P3H2: variants seen among roughly 807,000 people sequenced by gnomAD.
P3H2 encodes the protein leprecan-like 1.
In P3H2, 80 loss-of-function variants were observed where a neutral mutation model predicts 87.0. That is an observed-to-expected ratio of 0.92 (90% CI 0.77 to 1.11). The LOEUF (loss-of-function observed/expected upper bound fraction) is 1.11. Among genes scored for constraint, P3H2 ranks in the 50% least tolerant of loss-of-function variants. The probability of loss-of-function intolerance (pLI) is 0.00; values close to 1 mark genes in which losing one functional copy is unlikely to be tolerated. For missense variants in P3H2, 1,001 were observed against 923.9 expected (o/e 1.08, Z -1.08); for synonymous variants, 367 against 359.3 (o/e 1.02, Z -0.24).
chr3:190,017,478 C>T (rs9834642), intron 1 of P3H2, among the ~76,000 whole-genome samples: 35,547 of 152,080 alleles, frequency 0.23, 4,237 homozygotes, highest in Non-Finnish European at 0.26. Context: ...CCAGTAACAG[C>T]GTGGTAAATA....
chr3:190,046,707 T>C (rs147060502), intron 1 of P3H2, among the ~76,000 whole-genome samples: 18 of 152,304 alleles, frequency 1.2e-4, no homozygotes, highest in African/African-American at 3.6e-4. Flanking sequence ...AAATTTGTAA[T>C]TGAACCACAG....
rs1403846250 is a variant in P3H2 at position 189,974,275 on chromosome 3, T to C, written c.1453-271A>G. ...TATATTGCCTAATAATTAATTAAAA[T>C]AAAAGGATTTCTCCAGCAACTTTAT... On this transcript the variant is annotated intron_variant, in intron 9 of 14. Transcript: ENST00000319332. The C allele has an allele frequency of 8.4e-6, 5 of 591,790 alleles. No individual in the cohort carries two copies. In the East Asian group the frequency reaches 1.1e-4, roughly 14 times the overall value. The allele number at this position is 591,790 out of a possible 1,614,324, so 36.7% of individuals were successfully genotyped here.
chr3:190,107,198 T>A (rs1711876695), intron 1 of P3H2, among the ~76,000 whole-genome samples: 1 of 152,196 alleles, frequency 6.6e-6, no homozygotes. Flanking sequence ...CAAAACATTT[T>A]TCGTTATTAG....
chr3:190,072,524 ATTCTAC>A (rs1726736466), intron 1 of P3H2, among the ~76,000 whole-genome samples: 1 of 152,184 alleles, frequency 6.6e-6, no homozygotes, highest in African/African-American at 2.4e-5. Flanking sequence ...TAATCCAGCA[ATTCTAC>A]TTCTAAGGAT....
chr3:190,074,599 A>G (rs1172157224), intron 1 of P3H2, among the ~76,000 whole-genome samples: 8 of 152,156 alleles, frequency 5.3e-5, no homozygotes. Context: ...ATATCACCTA[A>G]TTTATCATAA....
At chr3:189,965,352 G>A (rs888948976) in intron 13 of P3H2, among the ~76,000 whole-genome samples, 1 of 152,198 alleles carries the variant, frequency 6.6e-6, no homozygotes, top group Non-Finnish European at 1.5e-5. Context: ...GGGTGCATAT[G>A]TGTTTATGTG....
chr3:189,958,117 C>G (rs765609777), intron 14 of P3H2, 113 bp from the exon 15 acceptor site: 1 of 779,970 alleles, frequency 1.3e-6, no homozygotes, highest in Non-Finnish European at 2.3e-6. Flanking sequence ...GATGCTATAT[C>G]CAGTTAAGCA....
At position 189,970,097 on chromosome 3, in the gene P3H2, TTGTG is replaced by T. The variant is rs36166104; in HGVS notation, c.1893+715_1893+718del. On this transcript the variant is annotated intron_variant, in intron 13 of 14. Transcript: ENST00000319332. The stretch of plus-strand genomic sequence containing the variant: ...TTTGATTTACTCTTTGTTTACATAT[TTGTG>T]TGTGTGTGTGTGTGTGTGTATCAAT... 6.7e-3 allele frequency among the ~76,000 whole-genome samples: 944 copies of T among 141,426 alleles called. 9 individuals carry two copies. Among genetic ancestry groups the T allele is most frequent in the African/African-American group, 0.023 (887 of 37,894 alleles). 92.8% of individuals were successfully genotyped at this position (141,426 alleles called of 152,430 possible).
chr3:190,019,245 T>C (rs1303065543), intron 1 of P3H2, among the ~76,000 whole-genome samples: 1 of 152,140 alleles, frequency 6.6e-6, no homozygotes, highest in East Asian at 1.9e-4. Flanking sequence ...CAATGGAGAT[T>C]AAGGATGCTG....
At chr3:190,032,753 T>G (rs900884989) in intron 1 of P3H2, among the ~76,000 whole-genome samples, 3 of 152,076 alleles carry the variant, frequency 2.0e-5, no homozygotes, top group Non-Finnish European at 4.4e-5. Context: ...GCTTTTTTGG[T>G]AGGTGTGATT....
intron 1 of P3H2, among the ~76,000 whole-genome samples, chr3:190,097,420 CTT>C (rs1431346147): frequency 6.6e-6 from 1 of 152,092 alleles, no homozygotes; most frequent in African/African-American, 2.4e-5. Context: ...AAGAGACTGA[CTT>C]ATACCTACAA....
intron 1 of P3H2, among the ~76,000 whole-genome samples, chr3:190,117,713 G>C (rs1712347996): frequency 7.2e-6 from 1 of 138,712 alleles, no homozygotes; most frequent in African/African-American, 2.7e-5. Flanking sequence ...TTCCAAGGAA[G>C]CCAAGCAAAG....
intron 1 of P3H2, among the ~76,000 whole-genome samples, chr3:190,010,758 C>A: frequency 6.6e-6 from 1 of 152,174 alleles, no homozygotes; most frequent in East Asian, 1.9e-4. Flanking sequence ...CTGAAAATAA[C>A]AAGTTTGGCA....
At chr3:190,082,324 C>T (rs1727070122) in intron 1 of P3H2, among the ~76,000 whole-genome samples, 1 of 152,106 alleles carries the variant, frequency 6.6e-6, no homozygotes, top group Non-Finnish European at 1.5e-5. Context: ...AACCTGGATG[C>T]AAGTCCTGAG....
chr3:190,051,316 A>AT (rs1725974850), intron 1 of P3H2, among the ~76,000 whole-genome samples: 1 of 151,884 alleles, frequency 6.6e-6, no homozygotes, highest in African/African-American at 2.4e-5. Context: ...TTTTTTCTCT[A>AT]TAAAAAATGG....
intron 1 of P3H2, among the ~76,000 whole-genome samples, chr3:190,061,121 A>G (rs1054431311): frequency 2.6e-5 from 4 of 152,156 alleles, no homozygotes; most frequent in African/African-American, 7.2e-5. Context: ...AGGAATATAC[A>G]AAGTAAGATT....
chr3:190,112,021 T>C (rs1263009997), intron 1 of P3H2, among the ~76,000 whole-genome samples: 4 of 152,254 alleles, frequency 2.6e-5, no homozygotes, highest in African/African-American at 7.2e-5. Context: ...AAAATAATCC[T>C]ATAACTGGTA....
intron 2 of P3H2, 57 bp from the exon 3 acceptor site, chr3:189,994,340 A>AT: frequency 6.8e-7 from 1 of 1,461,172 alleles, no homozygotes; most frequent in Non-Finnish European, 9.5e-7. Context: ...AAACAAAAAA[A>AT]CCCTTATTTT....
At chr3:190,041,278 A>T (rs868415867) in intron 1 of P3H2, among the ~76,000 whole-genome samples, 3,274 of 90,030 alleles carry the variant, frequency 0.036, 163 homozygotes, top group African/African-American at 0.22. Context: ...CTGTCTTAAA[A>T]AAAAAAAAAA....
Sources: gnomAD v4.1 joint callset for allele counts (sites outside exome capture counted in the v4.1 genomes callset) on GRCh38, gnomAD v4.1.1 for gene constraint, MANE v1.5 for transcripts, NCBI Gene and HGNC (gene_info 2026-07-23, HGNC 2026-07-21) for gene names.